The following ENOX2 variants were observed in gnomAD, a reference collection of about 807,000 sequenced individuals.
The protein encoded by ENOX2 is APK1 antigen.
A neutral mutation model predicts 45.0 loss-of-function variants in ENOX2; 36 were observed. That is an observed-to-expected ratio of 0.80 (90% CI 0.61 to 1.06). The LOEUF (loss-of-function observed/expected upper bound fraction) is 1.06. Ranked by LOEUF, ENOX2 falls within the 50% of genes least tolerant of loss-of-function variation. ENOX2 has a pLI of 0.00. For synonymous variants in ENOX2, 174 were observed against 152.3 expected (o/e 1.14, Z -1.05); for missense variants, 423 against 462.5 (o/e 0.91, Z 0.78).
At chrX:130,816,275 T>C (rs1479599509) in intron 2 of ENOX2, among the ~76,000 whole-genome samples, 1 of 111,281 alleles carries the variant, frequency 9.0e-6, no homozygotes, top group Non-Finnish European at 1.9e-5. Flanking sequence ...AAGCAAGTTC[T>C]TAGATACCTA....
intron 2 of ENOX2, among the ~76,000 whole-genome samples, chrX:130,785,120 G>GTTCGAGACCAGCCTGACCAACAT (rs1203220935): frequency 9.2e-6 from 1 of 109,065 alleles, no homozygotes; most frequent in Admixed American, 9.7e-5. Flanking sequence ...GAGGTCAGGA[G>GTTCGAGACCAGCCTGACCAACAT]TTCGAGACCA....
chrX:130,708,126 G>T (rs975538922), intron 3 of ENOX2, among the ~76,000 whole-genome samples: 2 of 111,627 alleles, frequency 1.8e-5, no homozygotes, highest in Admixed American at 9.5e-5. Flanking sequence ...TGGGTTTGAC[G>T]AAAAAATGGG....
intron 2 of ENOX2, among the ~76,000 whole-genome samples, chrX:130,842,708 T>C (rs1215600950): frequency 8.9e-6 from 1 of 112,045 alleles, no homozygotes; most frequent in Admixed American, 9.5e-5. Context: ...CTCTCTTCCC[T>C]TGCCTTCTGT....
At chrX:130,821,691 TA>T (rs1308539307) in intron 2 of ENOX2, among the ~76,000 whole-genome samples, 1,411 of 32,970 alleles carry the variant, frequency 0.043, 30 homozygotes, top group East Asian at 0.089. Flanking sequence ...TAAAGTATAA[TA>T]AAAAAAAAAA....
At chrX:130,790,776 T>C (rs190109740) in intron 2 of ENOX2, among the ~76,000 whole-genome samples, 22 of 112,212 alleles carry the variant, frequency 2.0e-4, no homozygotes, top group African/African-American at 6.8e-4. Flanking sequence ...TGTCTTTCCT[T>C]ATTCACCTCT....
Position 130,631,511 on chromosome X carries a change from C to T in ENOX2, c.1485G>A (p.Met495Ile), listed in dbSNP as rs751238420. Residue 495 changes from methionine (M) to isoleucine (I), a missense_variant, in exon 13 of 15, where the codon ATG becomes ATA. Physicochemically the swap from Met to Ile is conservative, Grantham distance 10 (BLOSUM62 1). This residue lies in a region of ENOX2 where 108 missense variants were observed against 70.6 expected (regional missense o/e 1.53). Transcript: ENST00000394363. ...QDSEYPLEKT[M>I]NSSPIKSERE... ...GTTCAGATTTGATAGGACTGCTGTT[C>T]ATGGTCTTCTCAAGAGGGTATTCGC... 1.1e-5 allele frequency: 13 copies of T among 1,204,654 alleles called. No homozygotes were observed. The highest frequency in any genetic ancestry group is 2.2e-5 in the Admixed American group (1 of 45,723).
At chrX:130,737,349 A>G (rs767442612) in intron 3 of ENOX2, among the ~76,000 whole-genome samples, 1 of 112,397 alleles carries the variant, frequency 8.9e-6, no homozygotes, top group East Asian at 2.8e-4. Context: ...AGTTACAATC[A>G]ATGGTGCAGT....
intron 3 of ENOX2, among the ~76,000 whole-genome samples, chrX:130,766,967 C>T (rs73555128): frequency 1.1e-3 from 124 of 111,443 alleles, no homozygotes; most frequent in African/African-American, 3.6e-3. Context: ...AGCTCTAAGC[C>T]GAAGTTTCCA....
chrX:130,645,767 G>T, intron 10 of ENOX2: 1 of 833,454 alleles, frequency 1.2e-6, no homozygotes, highest in Non-Finnish European at 1.8e-6. Flanking sequence ...TTCTGCGGAA[G>T]AGGTGGGTTC....
At chrX:130,870,944 C>CAG (rs777429549) in intron 2 of ENOX2, among the ~76,000 whole-genome samples, 30 of 102,788 alleles carry the variant, frequency 2.9e-4, no homozygotes, top group African/African-American at 6.3e-4. Context: ...GAGAGAGAGA[C>CAG]AGAGAGAGAG....
chrX:130,734,827 A>G (rs758900104), intron 3 of ENOX2, among the ~76,000 whole-genome samples: 69 of 112,114 alleles, frequency 6.2e-4, no homozygotes, highest in African/African-American at 2.2e-3. Flanking sequence ...CTCTTCTGTG[A>G]TATCATTAAA....
At chrX:130,668,393 C>T (rs1198199603) in intron 7 of ENOX2, among the ~76,000 whole-genome samples, 1 of 111,840 alleles carries the variant, frequency 8.9e-6, no homozygotes, top group Non-Finnish European at 1.9e-5. Flanking sequence ...TCCACTCAGT[C>T]CCACTCACAA....
At chrX:130,682,025 C>G (rs1344404904) in intron 5 of ENOX2, among the ~76,000 whole-genome samples, 2 of 107,502 alleles carry the variant, frequency 1.9e-5, no homozygotes, top group Non-Finnish European at 3.9e-5. Flanking sequence ...ACCCCCCCCC[C>G]CACCGACTAT....
At chrX:130,733,604 C>A (rs2148298169) in intron 3 of ENOX2, among the ~76,000 whole-genome samples, 1 of 112,204 alleles carries the variant, frequency 8.9e-6, no homozygotes, top group African/African-American at 3.2e-5. Context: ...GCAAGCCCTA[C>A]AATGGAATAC....
At chrX:130,684,528 T>C (rs2037394941) in intron 5 of ENOX2, among the ~76,000 whole-genome samples, 1 of 111,860 alleles carries the variant, frequency 8.9e-6, no homozygotes, top group Non-Finnish European at 1.9e-5. Flanking sequence ...CATTAGCATG[T>C]AGTAGTAATT....
chrX:130,810,554 T>A (rs181269932), intron 2 of ENOX2, among the ~76,000 whole-genome samples: 2 of 111,863 alleles, frequency 1.8e-5, no homozygotes, highest in Admixed American at 9.4e-5. Flanking sequence ...GGCTTCAGAC[T>A]AACCCACAGC....
At chrX:130,682,583 CAAAAAAA>C (rs55875735) in intron 5 of ENOX2, among the ~76,000 whole-genome samples, 19 of 14,651 alleles carry the variant, frequency 1.3e-3, no homozygotes, top group Non-Finnish European at 2.0e-3. Context: ...GACTCCGTCT[CAAAAAAA>C]AAAAAAAAAA....
intron 2 of ENOX2, among the ~76,000 whole-genome samples, chrX:130,841,789 A>G (rs926645018): frequency 1.8e-5 from 2 of 112,185 alleles, no homozygotes; most frequent in African/African-American, 3.2e-5. Context: ...ACATAAATAC[A>G]TCAAGCTAGA....
chrX:130,801,423 C>T (rs889573449), intron 2 of ENOX2, among the ~76,000 whole-genome samples: 1 of 111,849 alleles, frequency 8.9e-6, no homozygotes, highest in Non-Finnish European at 1.9e-5. Flanking sequence ...ACCATGTTGC[C>T]TGCAGAGTTG....
Sources: gnomAD v4.1 joint callset for allele counts (sites outside exome capture counted in the v4.1 genomes callset) on GRCh38, gnomAD v4.1.1 for gene constraint, gnomAD v4.1.1 regional missense constraint, MANE v1.5 for transcripts, NCBI Gene and HGNC (gene_info 2026-07-23, HGNC 2026-07-21) for gene names.